Variants in TBC1D12 observed in about 807,000 individuals in gnomAD.
TBC1D12 encodes TBC1 domain family member 12.
A neutral mutation model predicts 86.7 loss-of-function variants in TBC1D12; 56 were observed. That is an observed-to-expected ratio of 0.65 (90% CI 0.52 to 0.81). The LOEUF (loss-of-function observed/expected upper bound fraction) is 0.81. TBC1D12 is among the 30% of genes least tolerant of loss of function. The pLI, the probability that TBC1D12 is intolerant of heterozygous loss-of-function variation, is 0.00. For synonymous variants in TBC1D12, 421 were observed against 411.7 expected (o/e 1.02, Z -0.27); for missense variants, 1,023 against 1,038.8 (o/e 0.98, Z 0.21).
At chr10:94,504,434 G>T (rs2056436625) in intron 6 of TBC1D12, among the ~76,000 whole-genome samples, 1 of 152,150 alleles carries the variant, frequency 6.6e-6, no homozygotes, top group South Asian at 2.1e-4. Context: ...ATGTATTCAA[G>T]AATGGAATGT....
At chr10:94,490,055 C>G (rs2056225860) in intron 3 of TBC1D12, among the ~76,000 whole-genome samples, 1 of 152,134 alleles carries the variant, frequency 6.6e-6, no homozygotes, top group African/African-American at 2.4e-5. Flanking sequence ...TGAGACCAGC[C>G]TGACTAACAT....
intron 2 of TBC1D12, among the ~76,000 whole-genome samples, chr10:94,451,323 C>CA (rs774910639): frequency 6.6e-6 from 1 of 151,660 alleles, no homozygotes; most frequent in Non-Finnish European, 1.5e-5. Context: ...GTAAATTAAA[C>CA]AAAAAATCTT....
intron 9 of TBC1D12, among the ~76,000 whole-genome samples, chr10:94,520,235 A>G (rs1842107955): frequency 1.3e-5 from 2 of 152,230 alleles, no homozygotes; most frequent in Admixed American, 6.5e-5. Flanking sequence ...GTGGGAATAC[A>G]TACTGAAGTG....
Position 94,403,485 on chromosome 10 carries a change from C to T in TBC1D12, c.872C>T (p.Pro291Leu). ...CAGAGCGCCCGCGATCACCTGCCCC[C>T]GGCGGGGCCGCCGGTGCCCTTGCCC... is the stretch of plus-strand genomic sequence containing the variant. ...RGQSARDHLPPAGPPVPLPAA... is the reference protein window; with the variant it reads ...RGQSARDHLPLAGPPVPLPAA... Residue 291 changes from proline to leucine, a missense_variant, in exon 1 of 13, where the codon CCG becomes CTG. Physicochemically the swap from Pro to Leu is moderately conservative, Grantham distance 98 (BLOSUM62 -3). This residue lies in a region of TBC1D12 where 628 missense variants were observed against 531.1 expected (regional missense o/e 1.18). Transcript: ENST00000225235. 1 of 1,541,676 alleles carries T rather than the reference C, an allele frequency of 6.5e-7. No individual in the cohort carries two copies. Among genetic ancestry groups the T allele is most frequent in the Non-Finnish European group, 8.7e-7 (1 of 1,144,842 alleles).
chr10:94,461,560 C>T (rs947793239), intron 2 of TBC1D12, among the ~76,000 whole-genome samples: 4 of 152,214 alleles, frequency 2.6e-5, no homozygotes, highest in African/African-American at 9.6e-5. Flanking sequence ...AAATAAAACT[C>T]ACGAAAGTGT....
intron 2 of TBC1D12, chr10:94,447,809 C>A: frequency 3.6e-6 from 1 of 277,740 alleles, no homozygotes; most frequent in Non-Finnish European, 5.4e-6. Flanking sequence ...GTCTTAGGAA[C>A]TCGAAACTGC....
intron 9 of TBC1D12, among the ~76,000 whole-genome samples, chr10:94,518,679 TGAA>T (rs1176737930): frequency 6.6e-6 from 1 of 152,242 alleles, no homozygotes; most frequent in Admixed American, 6.5e-5. Context: ...AATTGGACTC[TGAA>T]GAAATTATAG....
intron 4 of TBC1D12, 32 bp downstream of exon 4, chr10:94,493,479 T>G: frequency 1.3e-6 from 2 of 1,489,092 alleles, no homozygotes; most frequent in East Asian, 2.3e-5. Flanking sequence ...GGTATAATTT[T>G]CTGATTTTAA....
At position 94,522,147 on chromosome 10, in the gene TBC1D12, A is replaced by G; in HGVS notation, c.1890+64A>G. 3.9e-6 allele frequency: 6 copies of G among 1,548,854 alleles called. No homozygotes were observed. The South Asian group carries it at 7.5e-5, about 19-fold the overall frequency. ...GAATGCCCTCTTAGAGTGAAAAACA[A>G]TAATTAGAAGGCCAAAACAATCTAA... On this transcript the variant is annotated intron_variant, in intron 10 of 12. Transcript: ENST00000225235.
chr10:94,510,487 TG>T (rs1279241617), intron 8 of TBC1D12, among the ~76,000 whole-genome samples: 1 of 152,204 alleles, frequency 6.6e-6, no homozygotes, highest in Non-Finnish European at 1.5e-5. Flanking sequence ...CTTAATATTT[TG>T]GCCTAGTAAA....
At chr10:94,440,601 GT>G (rs1213726567) in intron 1 of TBC1D12, among the ~76,000 whole-genome samples, 1 of 152,146 alleles carries the variant, frequency 6.6e-6, no homozygotes, top group Non-Finnish European at 1.5e-5. Context: ...GGCATTTTGA[GT>G]ATAGATAAAT....
At chr10:94,497,352 C>G (rs1248356834) in intron 5 of TBC1D12, among the ~76,000 whole-genome samples, 180 bp downstream of exon 5, 1 of 151,526 alleles carries the variant, frequency 6.6e-6, no homozygotes, top group Non-Finnish European at 1.5e-5. Context: ...GTTTCTGATT[C>G]TGTATTTTTA....
chr10:94,507,216 T>C (rs748536750), intron 6 of TBC1D12, 51 bp from the exon 7 acceptor site: 9 of 1,556,812 alleles, frequency 5.8e-6, no homozygotes, highest in Non-Finnish European at 7.0e-6. Flanking sequence ...AATTTGCAAA[T>C]ATATTTCTTT....
At position 94,465,490 on chromosome 10, in the gene TBC1D12, A is replaced by G. The variant is rs553232827; in HGVS notation, c.1096-9178A>G. ...GTGAAAAGCCATCTCTACTAAAAAT[A>G]CAAAAATTAGCTGAGCATGGTGGCA... On this transcript the variant is annotated intron_variant, in intron 2 of 12. Transcript: ENST00000225235. 3.0e-3 allele frequency among the ~76,000 whole-genome samples: 449 copies of G among 152,146 alleles called. 1 individual carries two copies. Among genetic ancestry groups the G allele is most frequent in the Non-Finnish European group, 4.9e-3 (332 of 67,992 alleles).
intron 1 of TBC1D12, among the ~76,000 whole-genome samples, chr10:94,441,137 C>T (rs1480549277): frequency 1.3e-5 from 2 of 151,114 alleles, no homozygotes; most frequent in African/African-American, 2.4e-5. Flanking sequence ...TGTGAGCCAT[C>T]GCACCTGTCC....
chr10:94,458,940 C>T (rs532479452), intron 2 of TBC1D12, among the ~76,000 whole-genome samples: 8 of 152,142 alleles, frequency 5.3e-5, no homozygotes, highest in Admixed American at 2.6e-4. Flanking sequence ...AGATTTATTG[C>T]GAAGAGTGAA....
At position 94,403,133 on chromosome 10, in the gene TBC1D12, C is replaced by T. The variant is rs1320871674; in HGVS notation, c.520C>T (p.Leu174=). Residue 174 remains leucine (L), a synonymous_variant, in exon 1 of 13, where the codon CTG becomes TTG. Coordinates refer to ENST00000225235, the MANE Select transcript of TBC1D12 (RefSeq NM_015188.2). The stretch of plus-strand genomic sequence containing the variant: ...CCGCCGCCCCTACGGCCGCCTTCGC[C>T]TGGAGGGGCCTGGCGACGAGGACGC... ...RRRRPYGRLR[L]EGPGDEDADG... The T allele has an allele frequency of 2.9e-6, 4 of 1,398,566 alleles. No homozygotes were observed. The highest frequency in any genetic ancestry group is 1.7e-5 in the South Asian group (1 of 59,350). 86.6% of individuals were successfully genotyped at this position (1,398,566 alleles called of 1,614,324 possible). A position where few individuals can be genotyped will look rare whatever the true frequency, so the allele number is the denominator to read the frequency against.
At chr10:94,486,368 T>C (rs1228889916) in intron 3 of TBC1D12, among the ~76,000 whole-genome samples, 1 of 152,020 alleles carries the variant, frequency 6.6e-6, no homozygotes, top group Non-Finnish European at 1.5e-5. Context: ...TCTAGCTTTT[T>C]TAGTTCCTTA....
intron 9 of TBC1D12, among the ~76,000 whole-genome samples, chr10:94,514,946 C>T (rs2056571478): frequency 8.1e-6 from 1 of 123,364 alleles, no homozygotes; most frequent in African/African-American, 3.2e-5. Flanking sequence ...CTCACTCTGT[C>T]GCCCAGGCTG....
Sources: allele counts gnomAD v4.1 joint callset (sites outside exome capture counted in the v4.1 genomes callset), GRCh38; gene constraint gnomAD v4.1.1; regional missense constraint gnomAD v4.1.1; transcripts MANE v1.5; gene names NCBI Gene and HGNC (gene_info 2026-07-23, HGNC 2026-07-21).